The following PRKDC variants were observed in gnomAD, a reference collection of about 807,000 sequenced individuals.
PRKDC encodes DNA-dependent protein kinase catalytic subunit.
A neutral mutation model predicts 486.9 loss-of-function variants in PRKDC; 82 were observed. The ratio of observed to expected loss-of-function variants is 0.17; its 90% CI spans 0.14 to 0.20. PRKDC has a LOEUF of 0.20. Ranked by LOEUF, PRKDC falls within the 10% of genes least tolerant of loss-of-function variation. The pLI is 1.00. For synonymous variants in PRKDC, 1,895 were observed against 1,837.0 expected, an observed-to-expected ratio of 1.03 and a Z score of -0.81; for missense variants, 4,504 against 5,038.2, an observed-to-expected ratio of 0.89 and a Z score of 3.21.
intron 68 of PRKDC, among the ~76,000 whole-genome samples, chr8:47,812,115 A>G (rs2087341443): frequency 6.6e-6 from 1 of 152,240 alleles, no homozygotes; most frequent in Admixed American, 6.5e-5. Context: ...GTATGTACCT[A>G]ATAACAGAAT....
chr8:47,903,839 ATTAACT>A (rs1563795538), intron 26 of PRKDC, among the ~76,000 whole-genome samples: 1 of 152,218 alleles, frequency 6.6e-6, no homozygotes, highest in East Asian at 1.9e-4. Flanking sequence ...TAAGCCATAA[ATTAACT>A]TTAGCTAACT....
intron 11 of PRKDC, among the ~76,000 whole-genome samples, chr8:47,938,937 T>G (rs2090396467): frequency 6.6e-6 from 1 of 152,180 alleles, no homozygotes; most frequent in South Asian, 2.1e-4. Context: ...TAAAACGTTG[T>G]GAAATCAACT....
chr8:47,902,975 A>G (rs940631001), intron 26 of PRKDC, among the ~76,000 whole-genome samples, 180 bp from the exon 27 acceptor site: 1 of 152,228 alleles, frequency 6.6e-6, no homozygotes, highest in African/African-American at 2.4e-5. Flanking sequence ...TCTAGGCTTG[A>G]ATAACTATTT....
chr8:47,905,008 C>T (rs1038842628), intron 25 of PRKDC, 32 bp from the exon 26 acceptor site: 2 of 1,474,834 alleles, frequency 1.4e-6, no homozygotes, highest in Admixed American at 1.7e-5. Context: ...AGTTAATTCC[C>T]TTCATGTTAA....
At chr8:47,830,015 C>G (rs2087827254) in intron 61 of PRKDC, among the ~76,000 whole-genome samples, 1 of 152,146 alleles carries the variant, frequency 6.6e-6, no homozygotes, top group South Asian at 2.1e-4. Context: ...CCGCACTACC[C>G]AACTTCAAAC....
chr8:47,924,132 G>C (rs1177591370), intron 21 of PRKDC, among the ~76,000 whole-genome samples: 1 of 152,158 alleles, frequency 6.6e-6, no homozygotes, highest in Non-Finnish European at 1.5e-5. Flanking sequence ...ACTTTTGCCT[G>C]TGACATTTCC....
Position 47,800,920 on chromosome 8 carries a change from A to G in PRKDC, c.9989T>C (p.Leu3330Ser), listed in dbSNP as rs1376001209. Residue 3330 changes from leucine (L) to serine (S), a missense_variant, in exon 71 of 86, where the codon TTG becomes TCG. Leu to Ser is a moderately radical substitution (Grantham distance 145). Transcript: ENST00000314191. ...CGCTATGATCCTGTAAGTTGTACCC[A>G]AGAGAATGTTCTGGTCACGGAAAGC... ...ILAFRDQNIL[L>S]GTTYRIIANA... 1.2e-6 allele frequency: 2 copies of G among 1,613,876 alleles called. No homozygotes were observed. The highest frequency in any genetic ancestry group is 1.3e-5 in the African/African-American group (1 of 74,938).
rs2087746964 is a variant in PRKDC at position 47,826,773 on chromosome 8, C to G, written c.8666G>C (p.Gly2889Ala). The G allele has an allele frequency of 6.2e-7, 1 of 1,611,652 alleles. No individual in the cohort carries two copies. The highest frequency in any genetic ancestry group is 1.7e-5 in the Admixed American group (1 of 59,744). ...CAGAGCCTCCTCTAGCAGGCGGATG[C>G]CCACGGGCTGCTGTAGGCTGGCCAG... ...GCLASLQQPV[G>A]IRLLEEALLR... Residue 2889 changes from glycine (G) to alanine (A), a missense_variant, in exon 63 of 86, where the codon GGC becomes GCC. Transcript: ENST00000314191.
chr8:47,806,537 T>C (rs2087218353), intron 69 of PRKDC, among the ~76,000 whole-genome samples: 1 of 152,232 alleles, frequency 6.6e-6, no homozygotes, highest in Admixed American at 6.5e-5. Context: ...TCCTTTGCCT[T>C]GCAATAGCAA....
intron 64 of PRKDC, among the ~76,000 whole-genome samples, chr8:47,822,296 A>G (rs992110744): frequency 9.2e-5 from 14 of 151,982 alleles, no homozygotes; most frequent in Admixed American, 6.5e-4. Flanking sequence ...AGAGAAAAAA[A>G]AAAAAAAGCC....
At chr8:47,818,756 T>C (rs937427996) in intron 67 of PRKDC, among the ~76,000 whole-genome samples, 5 of 152,350 alleles carry the variant, frequency 3.3e-5, no homozygotes, top group East Asian at 3.9e-4. Flanking sequence ...TATCAGTTTT[T>C]ATCAGTATTC....
At chr8:47,909,424 C>T (rs145229176) in intron 25 of PRKDC, among the ~76,000 whole-genome samples, 109 of 152,242 alleles carry the variant, frequency 7.2e-4, no homozygotes, top group Non-Finnish European at 8.2e-4. Flanking sequence ...CTGTTATCTT[C>T]GTAAGCTGAG....
At chr8:47,933,256 A>G (rs1010928538) in intron 15 of PRKDC, 84 bp from the exon 16 acceptor site, 1 of 1,077,726 alleles carries the variant, frequency 9.3e-7, no homozygotes, top group Non-Finnish European at 1.3e-6. Context: ...ACATACACAG[A>G]TGTATGTGCC....
chr8:47,904,158 G>A (rs868406514), intron 26 of PRKDC, among the ~76,000 whole-genome samples: 3 of 152,180 alleles, frequency 2.0e-5, no homozygotes, highest in Non-Finnish European at 4.4e-5. Context: ...GCTTCTCCGT[G>A]TCAGGAGAGT....
At chr8:47,921,352 T>C (rs899033604) in intron 21 of PRKDC, among the ~76,000 whole-genome samples, 1 of 152,246 alleles carries the variant, frequency 6.6e-6, no homozygotes, top group Non-Finnish European at 1.5e-5. Context: ...AGTAATTACG[T>C]TGTGCAGCAT....
intron 7 of PRKDC, among the ~76,000 whole-genome samples, chr8:47,948,916 C>T (rs1308772382): frequency 6.6e-6 from 1 of 152,186 alleles, no homozygotes; most frequent in East Asian, 1.9e-4. Context: ...CTAGTGTTGC[C>T]ATAACAACTT....
intron 40 of PRKDC, among the ~76,000 whole-genome samples, chr8:47,875,762 A>G (rs1171662523): frequency 6.6e-6 from 1 of 152,226 alleles, no homozygotes; most frequent in East Asian, 1.9e-4. Context: ...CTTTGGACAG[A>G]GAACATGCTT....
At chr8:47,796,378 C>T (rs1054192473) in intron 73 of PRKDC, among the ~76,000 whole-genome samples, 5 of 151,900 alleles carry the variant, frequency 3.3e-5, no homozygotes, top group Non-Finnish European at 7.4e-5. Flanking sequence ...AATAAAATCA[C>T]TGTCAATCTG....
intron 13 of PRKDC, 81 bp downstream of exon 13, chr8:47,935,651 T>C: frequency 2.1e-6 from 3 of 1,421,538 alleles, no homozygotes; most frequent in Non-Finnish European, 2.8e-6. Flanking sequence ...AAGAATTTGG[T>C]AACCAGATTC....
Sources: gnomAD v4.1 joint callset for allele counts (sites outside exome capture counted in the v4.1 genomes callset) on GRCh38, gnomAD v4.1.1 for gene constraint, MANE v1.5 for transcripts, NCBI Gene and HGNC (gene_info 2026-07-23, HGNC 2026-07-21) for gene names.